SLC35F4: variants seen among roughly 807,000 people sequenced by gnomAD.
SLC35F4 encodes the protein solute carrier family 35 member F4, also known as chromosome 14 open reading frame 36.
In SLC35F4, 24 loss-of-function variants were observed where a neutral mutation model predicts 44.2. The observed-to-expected ratio is 0.54, with a 90% CI of 0.39 to 0.76. The LOEUF (loss-of-function observed/expected upper bound fraction) is 0.76, where lower values mean the gene tolerates loss of function less well. Among genes scored for constraint, SLC35F4 ranks in the 30% least tolerant of loss-of-function variants. The pLI is 0.00. For missense variants in SLC35F4, 562 were observed against 586.1 expected (o/e 0.96, Z 0.42); for synonymous variants, 238 against 223.6 (o/e 1.06, Z -0.57).
At chr14:57,894,444 C>G (rs772665786) in intron 1 of SLC35F4, among the ~76,000 whole-genome samples, 1 of 151,970 alleles carries the variant, frequency 6.6e-6, no homozygotes, top group Non-Finnish European at 1.5e-5. Flanking sequence ...AACATGATAA[C>G]CTTTGAAAGA....
chr14:57,939,273 A>T (rs562893025), intron 1 of SLC35F4, among the ~76,000 whole-genome samples: 1 of 152,326 alleles, frequency 6.6e-6, no homozygotes, highest in African/African-American at 2.4e-5. Flanking sequence ...CAAAGCAAAC[A>T]TCCTGGGGCT....
At chr14:57,818,510 T>C (rs924364597) in intron 1 of SLC35F4, among the ~76,000 whole-genome samples, 7 of 152,182 alleles carry the variant, frequency 4.6e-5, no homozygotes, top group African/African-American at 1.7e-4. Context: ...AGATCTAGGA[T>C]TGATGCTACA....
At chr14:57,965,459 A>G (rs1890422127) in intron 1 of SLC35F4, among the ~76,000 whole-genome samples, 1 of 152,146 alleles carries the variant, frequency 6.6e-6, no homozygotes, top group Non-Finnish European at 1.5e-5. Context: ...TTCATCTGCA[A>G]TCTTAATTCC....
In SLC35F4 at chr14:57,633,760, T is replaced by C. The variant is rs139279832; in HGVS notation, c.104-39636A>G. On this transcript the variant is annotated intron_variant, in intron 1 of 7. Transcript: ENST00000556826. ...ACTATATGTCATTTTGAAACCATTA[T>C]AGAAATTAAACCATGTAGTATATAA... 1.9e-4 allele frequency among the ~76,000 whole-genome samples: 29 copies of C among 152,242 alleles called. No individual in the cohort carries two copies. In the East Asian group the frequency reaches 2.3e-3, roughly 12 times the overall value.
chr14:57,916,672 C>T (rs553817542), intron 1 of SLC35F4, among the ~76,000 whole-genome samples: 1 of 152,148 alleles, frequency 6.6e-6, no homozygotes, highest in Admixed American at 6.5e-5. Context: ...TTGTATTTTA[C>T]AGTCTTTATT....
intron 1 of SLC35F4, among the ~76,000 whole-genome samples, chr14:57,739,637 G>C (rs190312385): frequency 2.6e-4 from 39 of 152,306 alleles, no homozygotes; most frequent in African/African-American, 8.7e-4. Context: ...GAATGGGCCT[G>C]GCATCCTTCT....
chr14:57,870,136 G>T (rs1361896500), upstream of SLC35F4, among the ~76,000 whole-genome samples: 1 of 147,256 alleles, frequency 6.8e-6, no homozygotes, highest in Admixed American at 6.6e-5. Flanking sequence ...GTGTGTGTGT[G>T]TGTGTGTGTG....
At chr14:57,751,083 G>A (rs2076873677) in intron 1 of SLC35F4, among the ~76,000 whole-genome samples, 1 of 152,052 alleles carries the variant, frequency 6.6e-6, no homozygotes, top group African/African-American at 2.4e-5. Flanking sequence ...TCAAACATGG[G>A]GCAGGGACTT....
chr14:57,656,643 CATCCCCTCTGTA>C (rs2073983057), intron 1 of SLC35F4, among the ~76,000 whole-genome samples: 1 of 152,110 alleles, frequency 6.6e-6, no homozygotes, highest in African/African-American at 2.4e-5. Flanking sequence ...ATGTGCTCAG[CATCCCCTCTGTA>C]AAGTGGGGAT....
rs60059107 is a variant in SLC35F4, at chr14:57,752,028, G to T, written c.103+113695C>A. Among the ~76,000 whole-genome samples the T allele has an allele frequency of 5.8e-3, 885 of 151,824 alleles. 9 individuals carry two copies. The highest frequency in any genetic ancestry group is 0.02 in the African/African-American group (842 of 41,378). On this transcript the variant is annotated intron_variant, in intron 1 of 7. Transcript: ENST00000556826. The stretch of plus-strand genomic sequence containing the variant: ...CATGGGTAGAGAAAGGAAAATTGCC[G>T]ATTAGACCTTCCTTTTCCAGGCTCC...
intron 1 of SLC35F4, among the ~76,000 whole-genome samples, chr14:57,899,344 C>T (rs1888950470): frequency 6.6e-6 from 1 of 152,106 alleles, no homozygotes; most frequent in African/African-American, 2.4e-5. Context: ...GAGGAAGCAA[C>T]AGGTCTAATC....
intron 1 of SLC35F4, among the ~76,000 whole-genome samples, chr14:57,595,369 A>G (rs190791142): frequency 2.6e-5 from 4 of 152,238 alleles, no homozygotes; most frequent in Admixed American, 2.0e-4. Context: ...GTTATTGATG[A>G]TGTTAACTGT....
At chr14:57,718,122 T>G (rs2075989856) in intron 1 of SLC35F4, among the ~76,000 whole-genome samples, 1 of 152,238 alleles carries the variant, frequency 6.6e-6, no homozygotes, top group Non-Finnish European at 1.5e-5. Context: ...GAGAACATGC[T>G]ATGTTTGTCT....
chr14:57,807,261 C>T (rs1003358817), intron 1 of SLC35F4, among the ~76,000 whole-genome samples: 2 of 152,052 alleles, frequency 1.3e-5, no homozygotes, highest in South Asian at 4.1e-4. Context: ...CTCTCTGCTC[C>T]TTCACATCCA....
In SLC35F4 at chr14:57,876,028, A is replaced by G. The variant is rs150762423; in HGVS notation, n.282+105885T>C. 3.8e-3 allele frequency among the ~76,000 whole-genome samples: 580 copies of G among 152,340 alleles called. 2 individuals carry two copies. Among genetic ancestry groups the G allele is most frequent in the Non-Finnish European group, 6.4e-3 (438 of 68,028 alleles). On this transcript the variant is annotated intron_variant and non_coding_transcript_variant, in intron 1 of 1. Transcript: ENST00000556568. ...GTAACTTCATTAAGCAAAATCTGGCATTAAAAGGTTACCTGCAACAACGAG... is the reference window on the plus strand; with the variant it reads ...GTAACTTCATTAAGCAAAATCTGGCGTTAAAAGGTTACCTGCAACAACGAG...
intron 1 of SLC35F4, among the ~76,000 whole-genome samples, chr14:57,847,181 C>T (rs769937446): frequency 2.0e-5 from 3 of 152,190 alleles, no homozygotes; most frequent in African/African-American, 4.8e-5. Flanking sequence ...TTGAGACATG[C>T]TGCCCTAGAC....
chr14:57,870,772 A>T (rs2141026831), upstream of SLC35F4, among the ~76,000 whole-genome samples: 1 of 152,268 alleles, frequency 6.6e-6, no homozygotes, highest in South Asian at 2.1e-4. Context: ...TTTTTACTGA[A>T]GTTGATTTAC....
chr14:57,831,027 G>A (rs116022526), intron 1 of SLC35F4, among the ~76,000 whole-genome samples: 178 of 152,280 alleles, frequency 1.2e-3, no homozygotes, highest in African/African-American at 4.0e-3. Flanking sequence ...GACATGGTAT[G>A]CATGCTCTGT....
intron 1 of SLC35F4, among the ~76,000 whole-genome samples, chr14:57,954,555 G>A (rs553276366): frequency 6.6e-6 from 1 of 151,856 alleles, no homozygotes; most frequent in South Asian, 2.1e-4. Flanking sequence ...AAAGAGAGAA[G>A]AATCAAATAG....
Sources: gnomAD v4.1 joint callset for allele counts (sites outside exome capture counted in the v4.1 genomes callset) on GRCh38, gnomAD v4.1.1 for gene constraint, MANE v1.5 for transcripts, NCBI Gene and HGNC (gene_info 2026-07-23, HGNC 2026-07-21) for gene names.